Variants in ZC3H12C observed in about 807,000 individuals in gnomAD.
ZC3H12C encodes zinc finger CCCH-type containing 12C, also known as probable ribonuclease ZC3H12C.
In ZC3H12C, 20 loss-of-function variants were observed where a neutral mutation model predicts 76.3. The ratio of observed to expected loss-of-function variants is 0.26; its 90% confidence interval spans 0.18 to 0.38. The LOEUF (loss-of-function observed/expected upper bound fraction) is 0.38. Ranked by LOEUF, ZC3H12C falls within the 10% of genes least tolerant of loss-of-function variation. The pLI, the probability that ZC3H12C is intolerant of heterozygous loss-of-function variation, is 1.00. For synonymous variants in ZC3H12C, 352 were observed against 399.6 expected, an observed-to-expected ratio of 0.88 and a Z score of 1.42; for missense variants, 874 against 1,086.5, an observed-to-expected ratio of 0.80 and a Z score of 2.75.
chr11:110,101,611 G>A (rs915823207), intron 1 of ZC3H12C, among the ~76,000 whole-genome samples: 10 of 150,218 alleles, frequency 6.7e-5, no homozygotes, highest in African/African-American at 1.2e-4. Context: ...GCAGTGGTGC[G>A]ATCTCAGCTC....
chr11:110,125,182 C>T (rs1164473978), intron 1 of ZC3H12C, among the ~76,000 whole-genome samples: 2 of 151,884 alleles, frequency 1.3e-5, no homozygotes, highest in Non-Finnish European at 2.9e-5. Flanking sequence ...TACATAAGTT[C>T]TTCAAGACTG....
At position 110,164,149 on chromosome 11, in the gene ZC3H12C, C is replaced by T. The variant is rs1328569439; in HGVS notation, c.1256-192C>T. 6.6e-6 allele frequency among the ~76,000 whole-genome samples: 1 copy of T among 151,992 alleles called. No homozygotes were observed. Among genetic ancestry groups the T allele is most frequent in the African/African-American group, 2.4e-5 (1 of 41,394 alleles). On this transcript the variant is annotated intron_variant, in intron 5 of 5. Coordinates refer to ENST00000278590, the MANE Select transcript of ZC3H12C (RefSeq NM_033390.2). This position sits in a 1 kb window ranked among gnomAD's most constrained non-coding sequence, Gnocchi z 5.7. ...TGATTATTACTCATTCGGCCAACTT[C>T]CTCCTGTTCTTGATAGTAAAGAAAT...
intron 1 of ZC3H12C, among the ~76,000 whole-genome samples, chr11:110,127,982 A>C (rs1345801151): frequency 6.6e-6 from 1 of 152,082 alleles, no homozygotes; most frequent in Admixed American, 6.6e-5. Flanking sequence ...AATTGATGCC[A>C]TACCCCCACA....
chr11:110,161,416 C>G (rs1341038643), intron 4 of ZC3H12C, among the ~76,000 whole-genome samples: 1 of 150,768 alleles, frequency 6.6e-6, no homozygotes, highest in East Asian at 1.9e-4. Flanking sequence ...TGATCAGAGT[C>G]TAAAAGTTGA....
chr11:110,107,501 C>A (rs1353656560), intron 1 of ZC3H12C, among the ~76,000 whole-genome samples: 1 of 151,974 alleles, frequency 6.6e-6, no homozygotes, highest in Non-Finnish European at 1.5e-5. Context: ...AGGCACACAC[C>A]ACTATACCCA....
Position 110,168,639 on chromosome 11 carries a change from C to A in ZC3H12C, c.*2902C>A, listed in dbSNP as rs1358673258. On this transcript the variant is annotated 3_prime_UTR_variant, in exon 6 of 6. Coordinates refer to ENST00000278590, the MANE Select transcript of ZC3H12C (RefSeq NM_033390.2). ...ATAATTGACAGTTGACTGTGCTTTACACAGTAACTAGCCAGTCTGTTGTCT... is the reference window on the plus strand; with the variant it reads ...ATAATTGACAGTTGACTGTGCTTTAAACAGTAACTAGCCAGTCTGTTGTCT... 1 of 152,158 alleles carries A rather than the reference C, an allele frequency of 6.6e-6. No homozygotes were observed. The highest frequency in any genetic ancestry group is 1.5e-5 in the Non-Finnish European group (1 of 68,000). 9.4% of individuals were successfully genotyped at this position (152,158 alleles called of 1,614,324 possible). A position where few individuals can be genotyped will look rare whatever the true frequency, so the allele number is the denominator to read the frequency against.
chr11:110,142,231 A>C (rs569703754), intron 2 of ZC3H12C, among the ~76,000 whole-genome samples: 1 of 152,214 alleles, frequency 6.6e-6, no homozygotes, highest in African/African-American at 2.4e-5. Flanking sequence ...TTCTAAGTAC[A>C]TAATTCTAGT....
intron 3 of ZC3H12C, among the ~76,000 whole-genome samples, chr11:110,158,333 A>C (rs1222885715): frequency 6.6e-6 from 1 of 152,110 alleles, no homozygotes; most frequent in East Asian, 1.9e-4. Context: ...AACATGGTGA[A>C]ACCCTGTCTC....
intron 1 of ZC3H12C, among the ~76,000 whole-genome samples, chr11:110,127,909 A>AAG (rs1555018840): frequency 0.033 from 4,853 of 148,460 alleles, 176 homozygotes; most frequent in East Asian, 0.087. Flanking sequence ...AAAAAAAAAA[A>AAG]AGAGATTACA....
chr11:110,123,809 A>C (rs1329477142), intron 1 of ZC3H12C, among the ~76,000 whole-genome samples: 1 of 152,142 alleles, frequency 6.6e-6, no homozygotes, highest in African/African-American at 2.4e-5. Flanking sequence ...TTCTCAACCA[A>C]TTGAGAAACA....
At position 110,152,946 on chromosome 11, in the gene ZC3H12C, C is replaced by CA; in HGVS notation, c.802dup (p.Arg268LysfsTer33). ...ATGGAAACAAAGAAGTATTTTCCTG[C>CA]AGAGGAATAAAATTGGCAGTGGATT... On this transcript the variant is annotated frameshift_variant, in exon 3 of 6. Transcript: ENST00000278590. LOFTEE classifies it high-confidence loss of function. 6.2e-7 allele frequency: 1 copy of CA among 1,612,596 alleles called. No homozygotes were observed. The highest frequency in any genetic ancestry group is 8.5e-7 in the Non-Finnish European group (1 of 1,179,252).
At chr11:110,138,961 G>A (rs899041223) in intron 2 of ZC3H12C, among the ~76,000 whole-genome samples, 1 of 152,224 alleles carries the variant, frequency 6.6e-6, no homozygotes, top group African/African-American at 2.4e-5. Flanking sequence ...TCCTGATGTG[G>A]CTATTGACTA....
intron 1 of ZC3H12C, 190 bp from the exon 2 acceptor site, chr11:110,136,473 C>T (rs1237033684): frequency 3.4e-6 from 2 of 595,834 alleles, no homozygotes; most frequent in African/African-American, 3.7e-5. Flanking sequence ...CATGGCCTTT[C>T]TAATTTATGA....
Position 110,093,732 on chromosome 11 carries a change from A to G in ZC3H12C, c.21+300A>G, listed in dbSNP as rs945786899. Among the ~76,000 whole-genome samples, 3 of 151,920 alleles carry G rather than the reference A, an allele frequency of 2.0e-5. No homozygotes were observed. In the East Asian group the frequency reaches 5.9e-4, roughly 30 times the overall value. The stretch of plus-strand genomic sequence containing the variant: ...CCGGGCTTCCCGGCCCCGCGGCCTA[A>G]GGCACCGGTCCCCGCCCGCCCGGGG... On this transcript the variant is annotated intron_variant, in intron 1 of 5. Coordinates refer to ENST00000278590, the MANE Select transcript of ZC3H12C (RefSeq NM_033390.2).
At chr11:110,109,082 T>C (rs1861384214) in intron 1 of ZC3H12C, among the ~76,000 whole-genome samples, 1 of 152,230 alleles carries the variant, frequency 6.6e-6, no homozygotes, top group Admixed American at 6.5e-5. Flanking sequence ...GATTAATCTA[T>C]TCATATATTT....
chr11:110,105,953 G>A (rs1861316869), intron 1 of ZC3H12C, among the ~76,000 whole-genome samples: 1 of 152,110 alleles, frequency 6.6e-6, no homozygotes, highest in South Asian at 2.1e-4. Context: ...TCCTAGATGT[G>A]GCCATGCAAA....
At chr11:110,144,866 T>C (rs992573365) in intron 2 of ZC3H12C, among the ~76,000 whole-genome samples, 3 of 152,314 alleles carry the variant, frequency 2.0e-5, no homozygotes, top group Non-Finnish European at 4.4e-5. Context: ...TTTCAATTAC[T>C]CCCCGTGTCT....
At chr11:110,097,854 G>A (rs77963072) in intron 1 of ZC3H12C, among the ~76,000 whole-genome samples, 3 of 152,336 alleles carry the variant, frequency 2.0e-5, no homozygotes, top group Admixed American at 1.3e-4. Flanking sequence ...GCCATCTCCT[G>A]ATGTCATAGC....
At chr11:110,132,353 C>T (rs1424023107) in intron 1 of ZC3H12C, among the ~76,000 whole-genome samples, 1 of 151,992 alleles carries the variant, frequency 6.6e-6, no homozygotes, top group Admixed American at 6.6e-5. Flanking sequence ...AGTGAATAGC[C>T]ATTATGTTGT....
Sources: allele counts gnomAD v4.1 joint callset (sites outside exome capture counted in the v4.1 genomes callset), GRCh38; gene constraint gnomAD v4.1.1; non-coding constraint Gnocchi (gnomAD v3.1); transcripts MANE v1.5; gene names NCBI Gene and HGNC (gene_info 2026-07-23, HGNC 2026-07-21).